The following GLDN variants were observed in gnomAD, a reference collection of about 807,000 sequenced individuals.
GLDN encodes collomin.
GLDN carries 47 observed loss-of-function variants against 56.5 expected under a neutral mutation model. The ratio of observed to expected loss-of-function variants is 0.83; its 90% CI spans 0.66 to 1.06. The LOEUF is 1.06. Ranked by LOEUF, GLDN falls within the 50% of genes least tolerant of loss-of-function variation. GLDN has a pLI of 0.00. For missense variants in GLDN, 782 were observed against 714.3 expected, an observed-to-expected ratio of 1.09 and a Z score of -1.08; for synonymous variants, 332 against 278.8, an observed-to-expected ratio of 1.19 and a Z score of -1.90.
In GLDN at chr15:51,359,617, C is replaced by T. The variant is rs142163707; in HGVS notation, c.363+17570C>T. On this transcript the variant is annotated intron_variant, in intron 1 of 9. Coordinates refer to ENST00000335449, the MANE Select transcript of GLDN (RefSeq NM_181789.4). ...AGCCAATGAAGTACTCAGTGATGTC[C>T]GCCATAACACAGGGAAAGGAAGAAA... is the stretch of plus-strand genomic sequence containing the variant. Among the ~76,000 whole-genome samples, 599 of 152,184 alleles carry T rather than the reference C, an allele frequency of 3.9e-3. 1 individual carries two copies. Among genetic ancestry groups the T allele is most frequent in the African/African-American group, 0.014 (565 of 41,514 alleles).
At chr15:51,387,712 C>T (rs577789215) in intron 4 of GLDN, among the ~76,000 whole-genome samples, 4 of 152,118 alleles carry the variant, frequency 2.6e-5, no homozygotes, top group African/African-American at 9.6e-5. Context: ...GAGTGCATTC[C>T]ACAAAAAGGG....
intron 9 of GLDN, among the ~76,000 whole-genome samples, chr15:51,403,039 T>TG (rs1166567968): frequency 1.3e-5 from 2 of 152,242 alleles, no homozygotes; most frequent in Admixed American, 6.5e-5. Flanking sequence ...GGAGGTGGCG[T>TG]GGGGGGCAGT....
intron 1 of GLDN, among the ~76,000 whole-genome samples, chr15:51,344,257 T>C (rs868475): frequency 0.14 from 20,811 of 152,166 alleles, 2,208 homozygotes; most frequent in East Asian, 0.29. Context: ...GGAGTGCTTA[T>C]TCTCCAGCAG....
rs1464513903 is a variant in GLDN, at chr15:51,404,377, C to G, written c.1279C>G (p.Leu427Val). Residue 427 changes from leucine to valine, a missense_variant, in exon 10 of 10, where the codon CTA becomes GTA. By Grantham distance (32) the Leu-to-Val change is conservative. Coordinates refer to ENST00000335449, the MANE Select transcript of GLDN (RefSeq NM_181789.4). ...TGCAAATTCCAAAACTTACTTCAAT[C>G]TAGCTGTAGATGAAAAGGGCCTTTG... ...LFANSKTYFN[L>V]AVDEKGLWII... 1 of 1,614,102 alleles carries G rather than the reference C, an allele frequency of 6.2e-7. No homozygotes were observed. The highest frequency in any genetic ancestry group is 1.7e-5 in the Admixed American group (1 of 60,024).
rs375047768 is a variant in GLDN at position 51,355,930 on chromosome 15, G to A, written c.363+13883G>A. Among the ~76,000 whole-genome samples the A allele has an allele frequency of 1.2e-3, 179 of 151,166 alleles. No homozygotes were observed. In the South Asian group the frequency reaches 0.033, roughly 28 times the overall value. On this transcript the variant is annotated intron_variant, in intron 1 of 9. Coordinates refer to ENST00000335449, the MANE Select transcript of GLDN (RefSeq NM_181789.4). Reference sequence around the variant, plus strand: ...TGACTTAGAATACCTAACCTCAGCCGGGTGTGGTGGCTCACGCCTGTAATC... The same window carrying A: ...TGACTTAGAATACCTAACCTCAGCCAGGTGTGGTGGCTCACGCCTGTAATC...
In GLDN at chr15:51,405,801, G is replaced by C. The variant is rs748572895; in HGVS notation, c.*1047G>C. ...ATTATGTAGAACTGGGCCAGAGCCA[G>C]TCCATTGCCTGTTTTTTTAAATAAG... On this transcript the variant is annotated 3_prime_UTR_variant, in exon 10 of 10. Transcript: ENST00000335449. 6 of 152,222 alleles carry C rather than the reference G, an allele frequency of 3.9e-5. No homozygotes were observed. Among genetic ancestry groups the C allele is most frequent in the African/African-American group, 1.4e-4 (6 of 41,456 alleles). The allele number at this position is 152,222 out of a possible 1,614,324, so 9.4% of individuals were successfully genotyped here. A position where few individuals can be genotyped will look rare whatever the true frequency, so the allele number is the denominator to read the frequency against.
In GLDN at chr15:51,379,399, C is replaced by T. The variant is rs144242739; in HGVS notation, c.415+1899C>T. Among the ~76,000 whole-genome samples the T allele has an allele frequency of 1.0e-3, 158 of 152,304 alleles. 2 individuals are homozygous for T. The East Asian group carries it at 0.028, about 27-fold the overall frequency. ...TCTAAATCATCATGTTACTGAACTG[C>T]GTATTGGGGCAGAAGCACTACACAT... On this transcript the variant is annotated intron_variant, in intron 2 of 9. Coordinates refer to ENST00000335449, the MANE Select transcript of GLDN (RefSeq NM_181789.4).
At position 51,397,602 on chromosome 15, in the gene GLDN, AC is replaced by A. The variant is rs760002795; in HGVS notation, c.817+6del. On this transcript the variant is annotated splice_donor_5th_base_variant and intron_variant, in intron 6 of 9. Coordinates refer to ENST00000335449, the MANE Select transcript of GLDN (RefSeq NM_181789.4). ...ATGTTCAACGGCCAGTGCCCAGGTC[AC>A]CACCTCTCCCCTACGGGGCCCACCT... The A allele has an allele frequency of 2.3e-5, 37 of 1,583,496 alleles. No individual in the cohort carries two copies. The African/African-American group carries it at 4.7e-4, about 20-fold the overall frequency.
chr15:51,404,647 C>A lies in GLDN; in HGVS notation c.1549C>A (p.Leu517Ile). 1 of 1,613,278 alleles carries A rather than the reference C, an allele frequency of 6.2e-7. No homozygotes were observed. The highest frequency in any genetic ancestry group is 8.5e-7 in the Non-Finnish European group (1 of 1,179,212). ...TGATTTAAGAACTTCCCAGTCTGTT[C>A]TTGCCATGTTAGCATACAACATGAG... is the stretch of plus-strand genomic sequence containing the variant. ...NFDLRTSQSV[L>I]AMLAYNMRDQ... The change falls in exon 10 of 10, where the codon CTT (leucine) becomes ATT (isoleucine). Residue 517 changes from leucine to isoleucine, a missense_variant. Physicochemically the swap from Leu to Ile is conservative, Grantham distance 5 (BLOSUM62 2). Transcript: ENST00000335449.
In GLDN at chr15:51,397,587, G is replaced by T. The variant is rs765060260; in HGVS notation, c.806G>T (p.Gly269Val). ...KGPRQPSMFN[G>V]QCPGETCAIP... The stretch of plus-strand genomic sequence containing the variant: ...CCTCGGCAGCCAAGCATGTTCAACG[G>T]CCAGTGCCCAGGTCACCACCTCTCC... The change falls in exon 6 of 10, where the codon GGC becomes GTC. Residue 269 changes from glycine (G) to valine (V), a missense_variant. Physicochemically the swap from Gly to Val is moderately radical, Grantham distance 109. Coordinates refer to ENST00000335449, the MANE Select transcript of GLDN (RefSeq NM_181789.4). The T allele has an allele frequency of 2.5e-6, 4 of 1,595,014 alleles. No individual in the cohort carries two copies. Among genetic ancestry groups the T allele is most frequent in the Admixed American group, 3.4e-5 (2 of 58,842 alleles).
Position 51,404,695 on chromosome 15 carries a change from G to T in GLDN, c.1597G>T (p.Glu533Ter). ...GAGAGATCAGCATTTATATTCATGG[G>T]AAGATGGCCATTTAATGCTTTATCC... ...NMRDQHLYSW[E>*]DGHLMLYPVQ... Residue 533 changes from glutamate (E) to a stop codon, truncating the protein, a stop_gained, in exon 10 of 10, where the codon GAA becomes TAA. Transcript: ENST00000335449. LOFTEE classifies it high-confidence loss of function. The T allele has an allele frequency of 6.2e-7, 1 of 1,612,712 alleles. No individual in the cohort carries two copies. The highest frequency in any genetic ancestry group is 8.5e-7 in the Non-Finnish European group (1 of 1,178,734).
At position 51,404,193 on chromosome 15, in the gene GLDN, C is replaced by T. The variant is rs1046162769; in HGVS notation, c.1179-84C>T. On this transcript the variant is annotated intron_variant, in intron 9 of 9. Coordinates refer to ENST00000335449, the MANE Select transcript of GLDN (RefSeq NM_181789.4). The stretch of plus-strand genomic sequence containing the variant: ...CCAGCCCTCACCCCAGACCCACTAA[C>T]TCAGTTTAATAGAGGAGCCTAATAA... 4 of 1,059,348 alleles carry T rather than the reference C, an allele frequency of 3.8e-6. No individual in the cohort carries two copies. In the African/African-American group the frequency reaches 4.8e-5, roughly 13 times the overall value. The allele number at this position is 1,059,348 out of a possible 1,614,324, so 65.6% of individuals were successfully genotyped here.
Position 51,400,279 on chromosome 15 carries a change from T to C in GLDN, c.901+4T>C, listed in dbSNP as rs767574888. 5.6e-6 allele frequency: 9 copies of C among 1,614,076 alleles called. No individual in the cohort carries two copies. The highest frequency in any genetic ancestry group is 1.3e-5 in the African/African-American group (1 of 74,944). ...GAACACCATTCCCCACAAGCAGGTA[T>C]AGAAACAAAGCGTCCTGTCTTGAAA... On this transcript the variant is annotated splice_donor_region_variant and intron_variant, in intron 7 of 9. Transcript: ENST00000335449.
intron 1 of GLDN, among the ~76,000 whole-genome samples, chr15:51,354,476 G>A (rs758003302): frequency 5.9e-5 from 9 of 152,174 alleles, no homozygotes; most frequent in Non-Finnish European, 1.2e-4. Context: ...AAGCATGGGG[G>A]CACTGAAGAA....
At chr15:51,410,572 C>T (rs1317271771), downstream of GLDN, among the ~76,000 whole-genome samples, 2 of 152,172 alleles carry the variant, frequency 1.3e-5, no homozygotes. Context: ...CTGGCACCTC[C>T]TTTCCACAGG....
chr15:51,408,597 C>T (rs147144768), downstream of GLDN, among the ~76,000 whole-genome samples: 31 of 152,160 alleles, frequency 2.0e-4, no homozygotes, highest in East Asian at 3.5e-3. Flanking sequence ...GTGCAGGTTA[C>T]GTATGTATAC....
At position 51,382,995 on chromosome 15, in the gene GLDN, C is replaced by G. The variant is rs1049022699; in HGVS notation, c.416-441C>G. On this transcript the variant is annotated intron_variant, in intron 2 of 9. Coordinates refer to ENST00000335449, the MANE Select transcript of GLDN (RefSeq NM_181789.4). ...AGCCAGCTTTCACTCCCGACTCCCCCCAGTGGCTCAGATGAGACAAGCTAG... is the reference window on the plus strand; with the variant it reads ...AGCCAGCTTTCACTCCCGACTCCCCGCAGTGGCTCAGATGAGACAAGCTAG... Among the ~76,000 whole-genome samples, 39 of 152,152 alleles carry G rather than the reference C, an allele frequency of 2.6e-4. 1 individual carries two copies. Among genetic ancestry groups the G allele is most frequent in the Admixed American group, 1.6e-3 (24 of 15,270 alleles).
At chr15:51,362,384 G>C (rs1250575541) in intron 1 of GLDN, among the ~76,000 whole-genome samples, 1 of 151,636 alleles carries the variant, frequency 6.6e-6, no homozygotes, top group African/African-American at 2.4e-5. Flanking sequence ...ACTTGGGAGG[G>C]TGAGGCAGGA....
Position 51,400,357 on chromosome 15 carries a change from T to G in GLDN, c.902-16T>G. On this transcript the variant is annotated splice_polypyrimidine_tract_variant and intron_variant, in intron 7 of 9. Transcript: ENST00000335449. ...AATTGGCAGGCAAGTGACTTTCTTT[T>G]CTCTTCTTTTGGCAGAATCCATGAT... 6.2e-7 allele frequency: 1 copy of G among 1,614,186 alleles called. No homozygotes were observed. Among genetic ancestry groups the G allele is most frequent in the South Asian group, 1.1e-5 (1 of 91,080 alleles).
Sources: allele counts gnomAD v4.1 joint callset (sites outside exome capture counted in the v4.1 genomes callset), GRCh38; gene constraint gnomAD v4.1.1; transcripts MANE v1.5; gene names NCBI Gene and HGNC (gene_info 2026-07-23, HGNC 2026-07-21).